Variants in TRPM3 observed in about 807,000 individuals in gnomAD.
The protein encoded by TRPM3 is long transient receptor potential channel 3.
TRPM3 carries 77 observed loss-of-function variants against 181.2 expected under a neutral mutation model. The observed-to-expected ratio is 0.42, with a 90% confidence interval of 0.35 to 0.51. The LOEUF is 0.51. Among genes scored for constraint, TRPM3 ranks in the 20% least tolerant of loss-of-function variants. TRPM3 has a pLI of 0.01. For missense variants in TRPM3, 1,759 were observed against 2,196.7 expected (o/e 0.80, Z 3.98); for synonymous variants, 745 against 796.4 (o/e 0.94, Z 1.09).
intron 24 of TRPM3, among the ~76,000 whole-genome samples, chr9:70,552,085 A>G (rs1322743312): frequency 6.6e-6 from 1 of 152,210 alleles, no homozygotes; most frequent in African/African-American, 2.4e-5. Context: ...GATTTGATGT[A>G]GGTGGCCTGT....
intron 1 of TRPM3, among the ~76,000 whole-genome samples, chr9:71,160,819 G>T (rs2076240621): frequency 6.6e-6 from 1 of 152,160 alleles, no homozygotes; most frequent in African/African-American, 2.4e-5. Flanking sequence ...CTAGCACAGT[G>T]CCTGACACTT....
chr9:71,334,131 T>C (rs1356967126), intron 1 of TRPM3, among the ~76,000 whole-genome samples: 2 of 151,744 alleles, frequency 1.3e-5, no homozygotes, highest in African/African-American at 4.8e-5. Flanking sequence ...GATGGTATCT[T>C]GAAAGGTAAG....
At chr9:71,131,780 AAC>A (rs1418872232) in intron 1 of TRPM3, among the ~76,000 whole-genome samples, 2 of 151,936 alleles carry the variant, frequency 1.3e-5, no homozygotes, top group Non-Finnish European at 2.9e-5. Flanking sequence ...GCAGGTAGAG[AAC>A]AACATCTACA....
At chr9:71,164,447 G>A (rs1255447172) in intron 1 of TRPM3, among the ~76,000 whole-genome samples, 3 of 152,104 alleles carry the variant, frequency 2.0e-5, no homozygotes, top group South Asian at 2.1e-4. Context: ...AGAGGCAAAC[G>A]GGGAAGTCTG....
chr9:70,551,110 AAAAT>A (rs761248489), intron 24 of TRPM3, among the ~76,000 whole-genome samples: 1 of 152,220 alleles, frequency 6.6e-6, no homozygotes, highest in Middle Eastern at 3.2e-3. Flanking sequence ...CTTTTTAACA[AAAAT>A]AAAATACTAT....
At chr9:71,141,861 T>C (rs553907264) in intron 1 of TRPM3, among the ~76,000 whole-genome samples, 19 of 152,230 alleles carry the variant, frequency 1.2e-4, no homozygotes, top group Non-Finnish European at 2.5e-4. Context: ...AAATGGAATT[T>C]CTTCTTCCAC....
At chr9:71,348,561 TA>T (rs1414746520) in intron 1 of TRPM3, among the ~76,000 whole-genome samples, 1 of 150,276 alleles carries the variant, frequency 6.7e-6, no homozygotes, top group Non-Finnish European at 1.5e-5. Context: ...TATATTTATT[TA>T]TTTATTTATT....
intron 1 of TRPM3, among the ~76,000 whole-genome samples, chr9:71,395,561 G>A (rs1385830019): frequency 3.9e-5 from 6 of 152,186 alleles, no homozygotes; most frequent in Admixed American, 1.3e-4. Context: ...CAGCAGTATG[G>A]TTCTCAGGTA....
At chr9:70,539,026 T>A (rs2042536450) in intron 25 of TRPM3, among the ~76,000 whole-genome samples, 1 of 152,250 alleles carries the variant, frequency 6.6e-6, no homozygotes, top group Non-Finnish European at 1.5e-5. Context: ...CATGCACAAC[T>A]TTGCTGAAGA....
chr9:71,036,834 G>T (rs188728320), intron 1 of TRPM3, among the ~76,000 whole-genome samples: 1 of 152,300 alleles, frequency 6.6e-6, no homozygotes, highest in Non-Finnish European at 1.5e-5. Flanking sequence ...TCAATGGAAG[G>T]TGCAGATCAA....
At chr9:70,976,348 T>G (rs1466830443) in intron 1 of TRPM3, among the ~76,000 whole-genome samples, 1 of 152,176 alleles carries the variant, frequency 6.6e-6, no homozygotes, top group Admixed American at 6.5e-5. Context: ...GCTAGTGATT[T>G]TTTTACTCCA....
chr9:70,864,536 AAAAAAG>A, intron 1 of TRPM3, 25 bp from the exon 2 acceptor site: 1 of 1,455,846 alleles, frequency 6.9e-7, no homozygotes, highest in Non-Finnish European at 9.1e-7. Context: ...AAAAAAAAAA[AAAAAAG>A]AAAAAAGAAA....
chr9:71,378,831 TA>T (rs1054833724), intron 1 of TRPM3, among the ~76,000 whole-genome samples: 62 of 152,156 alleles, frequency 4.1e-4, no homozygotes, highest in African/African-American at 1.4e-3. Context: ...GCCTTTATAC[TA>T]AATACTATTA....
At chr9:70,768,467 C>G (rs948536655) in intron 7 of TRPM3, among the ~76,000 whole-genome samples, 2 of 152,008 alleles carry the variant, frequency 1.3e-5, no homozygotes, top group Non-Finnish European at 2.9e-5. Flanking sequence ...GCCCTTAAGG[C>G]CCAGTTTAAG....
intron 19 of TRPM3, 90 bp downstream of exon 19, chr9:70,610,519 A>G: frequency 6.8e-7 from 1 of 1,475,302 alleles, no homozygotes. Flanking sequence ...GGCACTTACG[A>G]CTTGCAGAGA....
chr9:71,273,356 C>T (rs1334702288), intron 1 of TRPM3, among the ~76,000 whole-genome samples: 2 of 152,084 alleles, frequency 1.3e-5, no homozygotes, highest in Non-Finnish European at 1.5e-5. Flanking sequence ...TGACAAGAAA[C>T]ATGACAATGT....
At chr9:71,085,780 T>C (rs761521617) in intron 1 of TRPM3, among the ~76,000 whole-genome samples, 4 of 151,974 alleles carry the variant, frequency 2.6e-5, no homozygotes, top group Non-Finnish European at 4.4e-5. Flanking sequence ...CTGTGGAAAG[T>C]AGTTTGAAGA....
In TRPM3 at chr9:70,778,001, A is replaced by T. The variant is rs576576935; in HGVS notation, c.1148+6104T>A. Among the ~76,000 whole-genome samples the T allele has an allele frequency of 2.6e-5, 4 of 152,058 alleles. No individual in the cohort carries two copies. In the South Asian group the frequency reaches 8.3e-4, roughly 32 times the overall value. ...AAATTTAACAGACACAGACACACACACACACACACACAAAACACTGCCACA... is the reference window on the plus strand; with the variant it reads ...AAATTTAACAGACACAGACACACACTCACACACACACAAAACACTGCCACA... On this transcript the variant is annotated intron_variant, in intron 7 of 25. Coordinates refer to ENST00000677713, the MANE Select transcript of TRPM3 (RefSeq NM_001366145.2).
intron 1 of TRPM3, among the ~76,000 whole-genome samples, chr9:71,076,461 G>A (rs2063476325): frequency 1.3e-5 from 2 of 152,158 alleles, no homozygotes; most frequent in African/African-American, 2.4e-5. Flanking sequence ...CCATCAGCTG[G>A]GAAAGGGAGG....
Sources: allele counts gnomAD v4.1 joint callset (sites outside exome capture counted in the v4.1 genomes callset), GRCh38; gene constraint gnomAD v4.1.1; transcripts MANE v1.5; gene names NCBI Gene and HGNC (gene_info 2026-07-23, HGNC 2026-07-21).